The following PXDNL variants were observed in gnomAD, a reference collection of about 807,000 sequenced individuals.
PXDNL encodes the protein probable oxidoreductase PXDNL.
A neutral mutation model predicts 150.8 loss-of-function variants in PXDNL; 145 were observed. That is an observed-to-expected ratio of 0.96 (90% CI 0.84 to 1.10). The LOEUF (loss-of-function observed/expected upper bound fraction) is 1.10, where lower values mean the gene tolerates loss of function less well. Among genes scored for constraint, PXDNL ranks in the 50% least tolerant of loss-of-function variants. PXDNL has a pLI of 0.00. For synonymous variants in PXDNL, 757 were observed against 725.7 expected (o/e 1.04, Z -0.69); for missense variants, 2,087 against 1,873.9 (o/e 1.11, Z -2.10).
At position 51,532,788 on chromosome 8, in the gene PXDNL, C is replaced by T. The variant is rs555614604; in HGVS notation, c.380+24052G>A. On this transcript the variant is annotated intron_variant, in intron 4 of 22. Coordinates refer to ENST00000356297, the MANE Select transcript of PXDNL (RefSeq NM_144651.5). ...ACTACCCTGGAACATGGATGCAGAG[C>T]AGCCTTCACTAAAGATATTAAAACA... Among the ~76,000 whole-genome samples the T allele has an allele frequency of 5.9e-5, 9 of 152,240 alleles. No homozygotes were observed. In the South Asian group the frequency reaches 8.3e-4, roughly 14 times the overall value.
chr8:51,535,585 GGCC>G (rs1812052726), intron 4 of PXDNL, among the ~76,000 whole-genome samples: 1 of 130,948 alleles, frequency 7.6e-6, no homozygotes, highest in African/African-American at 3.2e-5. Context: ...CACTGCGGAA[GGCC>G]GCAGGGTCCT....
chr8:51,714,191 C>A (rs138349985), intron 1 of PXDNL, among the ~76,000 whole-genome samples: 4 of 152,290 alleles, frequency 2.6e-5, no homozygotes, highest in African/African-American at 4.8e-5. Flanking sequence ...ATCCTCTAGG[C>A]CTTATATTTT....
chr8:51,695,129 T>C (rs1186642588), intron 1 of PXDNL, among the ~76,000 whole-genome samples: 1 of 152,218 alleles, frequency 6.6e-6, no homozygotes, highest in Non-Finnish European at 1.5e-5. Flanking sequence ...CTGCTGTCTG[T>C]ACCTGCTGTG....
At chr8:51,478,273 G>A (rs1312191475) in intron 6 of PXDNL, among the ~76,000 whole-genome samples, 3 of 152,010 alleles carry the variant, frequency 2.0e-5, no homozygotes, top group Non-Finnish European at 4.4e-5. Context: ...CATTTTGAAA[G>A]TACTCTTACA....
At chr8:51,767,469 G>C (rs2037244443) in intron 1 of PXDNL, among the ~76,000 whole-genome samples, 1 of 152,120 alleles carries the variant, frequency 6.6e-6, no homozygotes, top group Non-Finnish European at 1.5e-5. Flanking sequence ...CTAATTGTTA[G>C]TTAGCTAATT....
chr8:51,782,567 T>C (rs2037425313), intron 1 of PXDNL, among the ~76,000 whole-genome samples: 1 of 152,228 alleles, frequency 6.6e-6, no homozygotes, highest in African/African-American at 2.4e-5. Flanking sequence ...TGATAAAATA[T>C]TTGTTGAACA....
Position 51,600,269 on chromosome 8 carries a change from CGTTT to C in PXDNL, c.237-7575_237-7572del, listed in dbSNP as rs1563478627. On this transcript the variant is annotated intron_variant, in intron 2 of 22. Coordinates refer to ENST00000356297, the MANE Select transcript of PXDNL (RefSeq NM_144651.5). The stretch of plus-strand genomic sequence containing the variant: ...AAATTATATCTCATATAAATTATAT[CGTTT>C]AGATAATAAATTATATCTTATATAA... Among the ~76,000 whole-genome samples the C allele has an allele frequency of 7.1e-5, 9 of 127,168 alleles. 2 individuals are homozygous for C. The highest frequency in any genetic ancestry group is 2.5e-4 in the South Asian group (1 of 3,964). 83.4% of individuals were successfully genotyped at this position (127,168 alleles called of 152,430 possible). A position where few individuals can be genotyped will look rare whatever the true frequency, so the allele number is the denominator to read the frequency against.
At chr8:51,588,976 G>A (rs918507209) in intron 3 of PXDNL, among the ~76,000 whole-genome samples, 9 of 152,218 alleles carry the variant, frequency 5.9e-5, no homozygotes, top group Non-Finnish European at 1.3e-4. Flanking sequence ...TATGATAAGA[G>A]ATAAGACCTT....
intron 19 of PXDNL, among the ~76,000 whole-genome samples, chr8:51,360,846 G>T (rs1181045801): frequency 6.6e-6 from 1 of 152,218 alleles, no homozygotes; most frequent in African/African-American, 2.4e-5. Flanking sequence ...CTGTACATCA[G>T]TTCTCTTTTT....
rs750423039 is a variant in PXDNL, at chr8:51,374,611, T to G, written c.3678A>C (p.Leu1226=). 1.9e-6 allele frequency: 3 copies of G among 1,613,982 alleles called. No individual in the cohort carries two copies. The highest frequency in any genetic ancestry group is 1.7e-5 in the Admixed American group (1 of 60,022). The change falls in exon 18 of 23, where the codon CTA becomes CTC. Residue 1226 remains leucine (L), a synonymous_variant. Transcript: ENST00000356297. Reference sequence around the variant, plus strand: ...TAATCATTCACCTATCTCCATCTCTTAGCCGCTGAAACTGGGTAACAAACA... The same window carrying G: ...TAATCATTCACCTATCTCCATCTCTGAGCCGCTGAAACTGGGTAACAAACA... ...MCLFVTQFQR[L]RDGDRFWYEN... is the part of the protein sequence containing the mutation.
intron 12 of PXDNL, among the ~76,000 whole-genome samples, chr8:51,446,738 G>A (rs1159536980): frequency 6.6e-6 from 1 of 152,062 alleles, no homozygotes; most frequent in East Asian, 1.9e-4. Context: ...ATTAATCATA[G>A]TAATTGTAAA....
rs1199661401 is a variant in PXDNL, at chr8:51,488,957, A to T, written c.453-5243T>A. On this transcript the variant is annotated intron_variant, in intron 5 of 22. Coordinates refer to ENST00000356297, the MANE Select transcript of PXDNL (RefSeq NM_144651.5). ...GTATCATACTTGTAAAACAAGGATA[A>T]GTTTCTATAGAAGACAAATCGGAAA... Among the ~76,000 whole-genome samples the T allele has an allele frequency of 7.2e-5, 11 of 152,346 alleles. No homozygotes were observed. In the East Asian group the frequency reaches 1.5e-3, roughly 21 times the overall value.
intron 20 of PXDNL, among the ~76,000 whole-genome samples, chr8:51,341,428 T>C (rs967713088): frequency 1.3e-5 from 2 of 152,144 alleles, no homozygotes; most frequent in African/African-American, 2.4e-5. Flanking sequence ...CACGTGTGCA[T>C]GTGGTTTGTT....
intron 9 of PXDNL, among the ~76,000 whole-genome samples, chr8:51,454,052 T>C (rs1232612907): frequency 6.6e-6 from 1 of 152,208 alleles, no homozygotes; most frequent in East Asian, 1.9e-4. Context: ...ACCTACACAA[T>C]ACATATTCCT....
chr8:51,469,436 C>G (rs1810275720), intron 8 of PXDNL, among the ~76,000 whole-genome samples: 1 of 152,004 alleles, frequency 6.6e-6, no homozygotes, highest in South Asian at 2.1e-4. Context: ...TCCTACCTGT[C>G]TTTCTGGAAC....
intron 2 of PXDNL, among the ~76,000 whole-genome samples, chr8:51,618,706 C>A (rs965332591): frequency 6.6e-6 from 1 of 152,158 alleles, no homozygotes; most frequent in Non-Finnish European, 1.5e-5. Flanking sequence ...CAGTGACTGA[C>A]ATTTTGTGCT....
chr8:51,531,869 G>T (rs1811914125), intron 4 of PXDNL, among the ~76,000 whole-genome samples: 1 of 152,204 alleles, frequency 6.6e-6, no homozygotes, highest in African/African-American at 2.4e-5. Flanking sequence ...TTTGGCCATT[G>T]CCAAACTCCA....
At chr8:51,425,118 T>G (rs1809056572) in intron 13 of PXDNL, among the ~76,000 whole-genome samples, 1 of 152,230 alleles carries the variant, frequency 6.6e-6, no homozygotes, top group Non-Finnish European at 1.5e-5. Context: ...CCTCACCTAT[T>G]GCCAGAACTC....
At chr8:51,404,798 C>T (rs909023730) in intron 17 of PXDNL, among the ~76,000 whole-genome samples, 1 of 152,218 alleles carries the variant, frequency 6.6e-6, no homozygotes, top group African/African-American at 2.4e-5. Flanking sequence ...GCAGAGCTGC[C>T]CACCAGTCCC....
Sources: allele counts gnomAD v4.1 joint callset (sites outside exome capture counted in the v4.1 genomes callset), GRCh38; gene constraint gnomAD v4.1.1; transcripts MANE v1.5; gene names NCBI Gene and HGNC (gene_info 2026-07-23, HGNC 2026-07-21).